The following AGBL4 variants were observed in gnomAD, a reference collection of about 807,000 sequenced individuals.
The protein encoded by AGBL4 is cytosolic carboxypeptidase 6.
In AGBL4, 58 loss-of-function variants were observed where a neutral mutation model predicts 66.4. The ratio of observed to expected loss-of-function variants is 0.87; its 90% confidence interval spans 0.71 to 1.09. AGBL4 has a LOEUF of 1.09. Among genes scored for constraint, AGBL4 ranks in the 50% least tolerant of loss-of-function variants. The pLI, the probability that AGBL4 is intolerant of heterozygous loss-of-function variation, is 0.00. For synonymous variants in AGBL4, 234 were observed against 222.9 expected, an observed-to-expected ratio of 1.05 and a Z score of -0.44; for missense variants, 579 against 631.0, an observed-to-expected ratio of 0.92 and a Z score of 0.88.
chr1:49,011,452 C>G (rs1323793846), intron 5 of AGBL4, among the ~76,000 whole-genome samples: 2 of 152,168 alleles, frequency 1.3e-5, no homozygotes, highest in African/African-American at 4.8e-5. Flanking sequence ...ACTAGTTCAA[C>G]CATTGTGCAA....
chr1:49,988,103 G>GTATGTA lies in AGBL4; in HGVS notation c.34+35659_34+35660insTACATA, dbSNP rs1659653923. On this transcript the variant is annotated intron_variant, in intron 1 of 13. Transcript: ENST00000371839. The stretch of plus-strand genomic sequence containing the variant: ...ATGCATATTTAGCTTGCTTAAAACA[G>GTATGTA]TATGTCATCAATTTTATAAATATAT... 3.3e-5 allele frequency among the ~76,000 whole-genome samples: 5 copies of GTATGTA among 152,088 alleles called. No homozygotes were observed. In the South Asian group the frequency reaches 1.0e-3, roughly 31 times the overall value.
chr1:49,697,498 C>T, intron 2 of AGBL4, 61 bp from the exon 3 acceptor site: 1 of 1,315,334 alleles, frequency 7.6e-7, no homozygotes, highest in Non-Finnish European at 1.0e-6. Flanking sequence ...CAATGGTACA[C>T]ACATTTAAAT....
chr1:49,683,164 T>G (rs1012039717), intron 3 of AGBL4, among the ~76,000 whole-genome samples: 2 of 152,142 alleles, frequency 1.3e-5, no homozygotes, highest in Non-Finnish European at 2.9e-5. Flanking sequence ...GCAGGCCTCT[T>G]GGTTCAGGTA....
At chr1:48,535,443 T>A (rs1042819657) in intron 12 of AGBL4, among the ~76,000 whole-genome samples, 5 of 152,200 alleles carry the variant, frequency 3.3e-5, no homozygotes, top group Non-Finnish European at 5.9e-5. Context: ...CTTTCTCTCA[T>A]GAGACGATAA....
chr1:49,660,991 C>G (rs887991422), intron 3 of AGBL4, among the ~76,000 whole-genome samples: 2 of 152,044 alleles, frequency 1.3e-5, no homozygotes, highest in African/African-American at 4.8e-5. Context: ...GGAAAAATAG[C>G]TAATGCATGC....
intron 3 of AGBL4, among the ~76,000 whole-genome samples, chr1:49,459,955 T>G (rs976430370): frequency 6.6e-6 from 1 of 151,370 alleles, no homozygotes; most frequent in East Asian, 1.9e-4. Context: ...TATCCAATTT[T>G]ATTGCACTGT....
intron 3 of AGBL4, among the ~76,000 whole-genome samples, chr1:49,614,906 T>C (rs149117854): frequency 1.1e-3 from 173 of 152,274 alleles, no homozygotes; most frequent in African/African-American, 4.1e-3. Flanking sequence ...TTATTCATAT[T>C]AGCACTCCTA....
At chr1:49,653,908 T>A (rs1048131373) in intron 3 of AGBL4, among the ~76,000 whole-genome samples, 1 of 151,728 alleles carries the variant, frequency 6.6e-6, no homozygotes, top group Non-Finnish European at 1.5e-5. Context: ...CTTCAGGATA[T>A]CATCTAGGAG....
intron 6 of AGBL4, among the ~76,000 whole-genome samples, chr1:48,853,786 G>A (rs1487562452): frequency 2.0e-5 from 3 of 152,024 alleles, no homozygotes; most frequent in African/African-American, 7.2e-5. Flanking sequence ...ACTGCTTCAG[G>A]TCACAGCACA....
intron 1 of AGBL4, among the ~76,000 whole-genome samples, chr1:49,897,254 T>G: frequency 6.6e-6 from 1 of 151,970 alleles, no homozygotes. Context: ...ATAAATTCAG[T>G]AAAGTTGCAG....
chr1:49,627,899 C>A (rs980488076), intron 3 of AGBL4, among the ~76,000 whole-genome samples: 1 of 152,174 alleles, frequency 6.6e-6, no homozygotes, highest in Non-Finnish European at 1.5e-5. Flanking sequence ...AACTCAATCC[C>A]AGATATACCA....
chr1:49,631,357 C>G (rs1448755124), intron 3 of AGBL4, among the ~76,000 whole-genome samples: 1 of 152,156 alleles, frequency 6.6e-6, no homozygotes, highest in Non-Finnish European at 1.5e-5. Context: ...TCTCACACTT[C>G]TCCCTTAATT....
chr1:49,124,075 T>C (rs1645717267), intron 4 of AGBL4, among the ~76,000 whole-genome samples: 2 of 152,200 alleles, frequency 1.3e-5, no homozygotes, highest in Admixed American at 1.3e-4. Context: ...CATGGCCAGC[T>C]GGAGGCCTTG....
At chr1:49,411,574 C>A (rs757200540) in intron 3 of AGBL4, among the ~76,000 whole-genome samples, 1 of 151,966 alleles carries the variant, frequency 6.6e-6, no homozygotes, top group Non-Finnish European at 1.5e-5. Context: ...GTATAAAAAG[C>A]AGAAGTAAAA....
rs578225273 is a variant in AGBL4 at position 48,689,809 on chromosome 1, G to A, written c.635-26568C>T. Among the ~76,000 whole-genome samples the A allele has an allele frequency of 2.6e-5, 4 of 152,316 alleles. No individual in the cohort carries two copies. In the South Asian group the frequency reaches 6.2e-4, roughly 24 times the overall value. ...AGTCCCAGCTACTTGAAAGGCTGAG[G>A]TGGGAGAATCACTTGAACGCAGGAG... On this transcript the variant is annotated intron_variant, in intron 6 of 13. Transcript: ENST00000371839.
intron 3 of AGBL4, among the ~76,000 whole-genome samples, chr1:49,275,292 T>G (rs1202886060): frequency 1.3e-5 from 2 of 152,124 alleles, no homozygotes; most frequent in African/African-American, 4.8e-5. Flanking sequence ...AATATATCAC[T>G]TTCTGACAGG....
chr1:49,411,264 C>T (rs1472410931), intron 3 of AGBL4, among the ~76,000 whole-genome samples: 1 of 152,126 alleles, frequency 6.6e-6, no homozygotes, highest in African/African-American at 2.4e-5. Flanking sequence ...AGGAAACATC[C>T]AGCATGGGAG....
At chr1:49,864,695 T>G (rs1646658343) in intron 1 of AGBL4, among the ~76,000 whole-genome samples, 1 of 152,182 alleles carries the variant, frequency 6.6e-6, no homozygotes, top group Non-Finnish European at 1.5e-5. Flanking sequence ...GATGAGCTCA[T>G]GCCACCAGAG....
chr1:48,733,766 G>T (rs1474636444), intron 6 of AGBL4, among the ~76,000 whole-genome samples: 1 of 152,150 alleles, frequency 6.6e-6, no homozygotes, highest in African/African-American at 2.4e-5. Flanking sequence ...TGATTTACAA[G>T]AAATCACACA....
Sources: allele counts gnomAD v4.1 joint callset (sites outside exome capture counted in the v4.1 genomes callset), GRCh38; gene constraint gnomAD v4.1.1; transcripts MANE v1.5; gene names NCBI Gene and HGNC (gene_info 2026-07-23, HGNC 2026-07-21).